Variants in HDLBP observed in about 807,000 individuals in gnomAD.
HDLBP encodes the protein vigilin.
In HDLBP, 30 loss-of-function variants were observed where a neutral mutation model predicts 137.3. The ratio of observed to expected loss-of-function variants is 0.22; its 90% CI spans 0.16 to 0.30. HDLBP has a LOEUF of 0.30. Among genes scored for constraint, HDLBP ranks in the 10% least tolerant of loss-of-function variants. HDLBP has a pLI of 1.00. For missense variants in HDLBP, 1,119 were observed against 1,667.3 expected, an observed-to-expected ratio of 0.67 and a Z score of 5.73; for synonymous variants, 606 against 596.0, an observed-to-expected ratio of 1.02 and a Z score of -0.24.
chr2:241,308,614 TTTGCGGGGTATGCAGACCTGGG>T (rs1029230835), intron 1 of HDLBP, among the ~76,000 whole-genome samples: 1 of 152,070 alleles, frequency 6.6e-6, no homozygotes, highest in Non-Finnish European at 1.5e-5. Flanking sequence ...TGTATACTGT[TTTGCGGGGTATGCAGACCTGGG>T]TAGATGGTAG....
At chr2:241,306,288 T>C (rs1279983275) in intron 1 of HDLBP, among the ~76,000 whole-genome samples, 1 of 145,674 alleles carries the variant, frequency 6.9e-6, no homozygotes, top group Non-Finnish European at 1.5e-5. Flanking sequence ...TGAGATGGAG[T>C]CTTGTTCTTG....
At chr2:241,289,749 G>A (rs1426357556) in intron 1 of HDLBP, among the ~76,000 whole-genome samples, 2 of 152,174 alleles carry the variant, frequency 1.3e-5, no homozygotes, top group Admixed American at 6.5e-5. Context: ...GTAATGAGGG[G>A]AAGTAGGATC....
In HDLBP at chr2:241,291,262, C is replaced by G. The variant is rs2075005261; in HGVS notation, c.-102-22721G>C. Among the ~76,000 whole-genome samples the G allele has an allele frequency of 2.6e-5, 4 of 152,126 alleles. No homozygotes were observed. In the South Asian group the frequency reaches 8.3e-4, roughly 31 times the overall value. ...CTGATATATAAACACCATCTCACGG[C>G]AAGAGACTGGGGTTCCTTAGAAACA... On this transcript the variant is annotated intron_variant, in intron 1 of 27. Transcript: ENST00000310931.
At position 241,229,691 on chromosome 2, in the gene HDLBP, TG is replaced by T; in HGVS notation, c.3721-5del. The stretch of plus-strand genomic sequence containing the variant: ...CAGAGCTGCTCATGTCAGGAGCCTG[TG>T]CAGAGAGAGGACACGGCTTCAGGAG... On this transcript the variant is annotated splice_polypyrimidine_tract_variant and splice_region_variant and intron_variant, in intron 27 of 27. Transcript: ENST00000310931. The T allele has an allele frequency of 1.2e-6, 2 of 1,613,976 alleles. No homozygotes were observed. Among genetic ancestry groups the T allele is most frequent in the Non-Finnish European group, 1.7e-6 (2 of 1,179,890 alleles).
chr2:241,264,512 G>A lies in HDLBP; in HGVS notation c.170C>T (p.Ala57Val), dbSNP rs747673112. Reference sequence around the variant, plus strand: ...CCCCCAGGCTCCAGCGGGTTCCTGGGCACTTTCCAGGCAAGCAGCTTTCTC... The same window carrying A: ...CCCCCAGGCTCCAGCGGGTTCCTGGACACTTTCCAGGCAAGCAGCTTTCTC... ...LPEKAACLES[A>V]QEPAGAWGNK... is the part of the protein sequence containing the mutation. Residue 57 changes from alanine (A) to valine (V), a missense_variant, in exon 4 of 28, where the codon GCC (alanine) becomes GTC (valine). Ala to Val is a moderately conservative substitution (Grantham distance 64). This residue lies in a region of HDLBP where 59 missense variants were observed against 92.4 expected (regional missense o/e 0.64). Transcript: ENST00000310931. 6.2e-7 allele frequency: 1 copy of A among 1,613,550 alleles called. No individual in the cohort carries two copies. The highest frequency in any genetic ancestry group is 1.3e-5 in the African/African-American group (1 of 75,004).
At chr2:241,287,171 C>T (rs1193683305) in intron 1 of HDLBP, among the ~76,000 whole-genome samples, 1 of 152,102 alleles carries the variant, frequency 6.6e-6, no homozygotes, top group South Asian at 2.1e-4. Context: ...AGTGCAGTGG[C>T]GTGATCTTGG....
chr2:241,292,385 A>G (rs2075039194), intron 1 of HDLBP, among the ~76,000 whole-genome samples: 1 of 152,252 alleles, frequency 6.6e-6, no homozygotes, highest in Non-Finnish European at 1.5e-5. Context: ...AAAAAAGGGA[A>G]AAGAAGCTGC....
chr2:241,242,753 C>A, intron 16 of HDLBP, 75 bp from the exon 17 acceptor site: 2 of 1,262,806 alleles, frequency 1.6e-6, no homozygotes, highest in Non-Finnish European at 2.3e-6. Context: ...GATAAACTAT[C>A]ATCTTTGGTG....
intron 2 of HDLBP, chr2:241,268,053 A>G (rs1394338145): frequency 9.1e-6 from 7 of 766,264 alleles, no homozygotes; most frequent in Non-Finnish European, 1.1e-5. Context: ...GGAAGAACCC[A>G]TTTTCTTTAC....
At chr2:241,251,120 G>A (rs2072114125) in intron 11 of HDLBP, 1 of 152,014 alleles carries the variant, frequency 6.6e-6, no homozygotes. Flanking sequence ...CCACAGGCCT[G>A]GCTAAATTTT....
intron 1 of HDLBP, among the ~76,000 whole-genome samples, chr2:241,311,718 C>T (rs1289443214): frequency 6.6e-6 from 1 of 152,102 alleles, no homozygotes; most frequent in African/African-American, 2.4e-5. Context: ...CCCAGGAAAA[C>T]AAAAAGTTAT....
intron 3 of HDLBP, 126 bp from the exon 4 acceptor site, chr2:241,264,731 C>T: frequency 1.1e-6 from 1 of 879,918 alleles, no homozygotes; most frequent in Admixed American, 2.4e-5. Flanking sequence ...GACAACTCCC[C>T]CCACCCCTCT....
In HDLBP at chr2:241,247,628, T is replaced by G. The variant is rs536618584; in HGVS notation, c.1731+375A>C. On this transcript the variant is annotated intron_variant, in intron 14 of 27. Transcript: ENST00000310931. ...TCTAAACCTGTTCCCACGTCAGTTT[T>G]TGAGAAAAATAATAAATCAGTATAT... Among the ~76,000 whole-genome samples, 90 of 152,356 alleles carry G rather than the reference T, an allele frequency of 5.9e-4. 1 individual carries two copies. The highest frequency in any genetic ancestry group is 2.1e-3 in the African/African-American group (86 of 41,584).
intron 11 of HDLBP, among the ~76,000 whole-genome samples, chr2:241,251,270 T>A (rs1346956472): frequency 6.6e-6 from 1 of 152,124 alleles, no homozygotes; most frequent in African/African-American, 2.4e-5. Flanking sequence ...AAACAAACGC[T>A]ACAGTTAACC....
chr2:241,265,988 T>C (rs1456758976), intron 3 of HDLBP, among the ~76,000 whole-genome samples: 1 of 152,226 alleles, frequency 6.6e-6, no homozygotes, highest in East Asian at 1.9e-4. Flanking sequence ...GTTAATTTTA[T>C]ATTTTAATTA....
rs74000620 is a variant in HDLBP at position 241,242,177 on chromosome 2, C to A, written c.2169+283G>T. On this transcript the variant is annotated intron_variant, in intron 17 of 27. Transcript: ENST00000310931. ...CATGTTACTTAAAACTCAACTATACCTGAAGAATGGCCAATTTTACTGTAA... is the reference window on the plus strand; with the variant it reads ...CATGTTACTTAAAACTCAACTATACATGAAGAATGGCCAATTTTACTGTAA... Among the ~76,000 whole-genome samples, 1,141 of 152,252 alleles carry A rather than the reference C, an allele frequency of 7.5e-3. 11 individuals are homozygous for A. The highest frequency in any genetic ancestry group is 0.026 in the African/African-American group (1,068 of 41,550).
intron 1 of HDLBP, among the ~76,000 whole-genome samples, chr2:241,289,915 A>G (rs2074954069): frequency 6.6e-6 from 1 of 152,134 alleles, no homozygotes. Flanking sequence ...GGATGAATGG[A>G]CTTCAGAAGG....
rs570415334 is a variant in HDLBP at position 241,228,923 on chromosome 2, T to C, written c.*678A>G. On this transcript the variant is annotated 3_prime_UTR_variant, in exon 28 of 28. Coordinates refer to ENST00000310931, the MANE Select transcript of HDLBP (RefSeq NM_005336.6). ...GCCTCCAGGCTCCACTCACCAGACC[T>C]CAGGCTGAGGGTCTGGCAGTGGAGG... 6.5e-6 allele frequency: 1 copy of C among 152,888 alleles called. No individual in the cohort carries two copies. The highest frequency in any genetic ancestry group is 2.4e-5 in the African/African-American group (1 of 41,540). 9.5% of individuals were successfully genotyped at this position (152,888 alleles called of 1,614,324 possible).
intron 20 of HDLBP, among the ~76,000 whole-genome samples, chr2:241,237,031 G>A (rs887393018): frequency 4.7e-5 from 7 of 148,298 alleles, no homozygotes; most frequent in Non-Finnish European, 7.4e-5. Flanking sequence ...CGTGAGCTCT[G>A]TGTCTCCCTT....
Sources: allele counts gnomAD v4.1 joint callset (sites outside exome capture counted in the v4.1 genomes callset), GRCh38; gene constraint gnomAD v4.1.1; regional missense constraint gnomAD v4.1.1; transcripts MANE v1.5; gene names NCBI Gene and HGNC (gene_info 2026-07-23, HGNC 2026-07-21).